ZNF43: variants seen among roughly 807,000 people sequenced by gnomAD.
ZNF43 encodes zinc finger protein 39-like 1 (KOX 27).
In ZNF43, 44 loss-of-function variants were observed where a neutral mutation model predicts 68.4. The ratio of observed to expected loss-of-function variants is 0.64; its 90% CI spans 0.51 to 0.83. The LOEUF (loss-of-function observed/expected upper bound fraction) is 0.83, where lower values mean the gene tolerates loss of function less well. ZNF43 is among the 40% of genes least tolerant of loss of function. The pLI, the probability that ZNF43 is intolerant of heterozygous loss-of-function variation, is 0.00. For synonymous variants in ZNF43, 308 were observed against 307.8 expected (o/e 1.00, Z -0.01); for missense variants, 896 against 933.2 (o/e 0.96, Z 0.52).
chr19:21,808,181 C>G lies in ZNF43; in HGVS notation c.1856G>C (p.Gly619Ala). The change falls in exon 4 of 4, where the codon GGA (glycine) becomes GCA (alanine). Residue 619 changes from glycine (G) to alanine (A), a missense_variant. Transcript: ENST00000354959. ...ACATTCTTCACATTTGTAGGGTTTT[C>G]CTCCAGTATGAATTTTTTTATGTGT... ...LTTHKKIHTG[G>A]KPYKCEECGK... 6.7e-7 allele frequency: 1 copy of G among 1,491,506 alleles called. No individual in the cohort carries two copies. Among genetic ancestry groups the G allele is most frequent in the South Asian group, 1.2e-5 (1 of 80,508 alleles). 92.4% of individuals were successfully genotyped at this position (1,491,506 alleles called of 1,614,324 possible).
chr19:21,840,217 C>A (rs557491271), upstream of ZNF43: 47 of 152,328 alleles, frequency 3.1e-4, 1 homozygote, highest in African/African-American at 1.1e-3. Context: ...GTGGGCAGTG[C>A]TGAGGCAAAA....
intron 1 of ZNF43, among the ~76,000 whole-genome samples, chr19:21,833,992 A>C (rs2038555718): frequency 6.6e-6 from 1 of 152,010 alleles, no homozygotes; most frequent in Non-Finnish European, 1.5e-5. Context: ...GCTCCACTGC[A>C]GTCAAGCCTA....
chr19:21,819,053 C>T (rs757890024), intron 2 of ZNF43, 42 bp downstream of exon 2: 1 of 1,581,604 alleles, frequency 6.3e-7, no homozygotes, highest in Non-Finnish European at 8.6e-7. Flanking sequence ...AAAATGAAAT[C>T]TTTAGGGTAT....
chr19:21,820,014 C>A (rs1258515559), intron 1 of ZNF43, among the ~76,000 whole-genome samples: 6 of 150,632 alleles, frequency 4.0e-5, no homozygotes, highest in African/African-American at 7.3e-5. Flanking sequence ...GCCTGGCCAA[C>A]GTGGAGAAAA....
chr19:21,837,849 C>T (rs899540810), upstream of ZNF43: 1 of 152,162 alleles, frequency 6.6e-6, no homozygotes, highest in African/African-American at 2.4e-5. Context: ...ATCTTCCTTC[C>T]CTACCTTTTT....
intron 1 of ZNF43, among the ~76,000 whole-genome samples, chr19:21,819,547 G>A (rs1445031004): frequency 9.9e-5 from 15 of 152,094 alleles, no homozygotes; most frequent in Non-Finnish European, 7.4e-5. Context: ...AATCAGTTGC[G>A]AATATTTTTC....
chr19:21,851,725 C>A (rs897233502), intron 1 of ZNF43, among the ~76,000 whole-genome samples: 8 of 152,076 alleles, frequency 5.3e-5, no homozygotes, highest in African/African-American at 1.9e-4. Context: ...GGGTACCGCG[C>A]AGGAATGGGG....
chr19:21,832,134 T>C (rs987917401), intron 1 of ZNF43, among the ~76,000 whole-genome samples: 1 of 152,258 alleles, frequency 6.6e-6, no homozygotes, highest in East Asian at 1.9e-4. Flanking sequence ...CTTCAAACTA[T>C]ACCACAGGGC....
upstream of ZNF43, chr19:21,836,320 G>A: frequency 1.8e-6 from 2 of 1,141,394 alleles, no homozygotes. Context: ...GATGTGATCA[G>A]ACGCTGGGCT....
chr19:21,844,075 ACT>A (rs1191271040), intron 1 of ZNF43, among the ~76,000 whole-genome samples: 9 of 152,034 alleles, frequency 5.9e-5, no homozygotes, highest in Admixed American at 5.9e-4. Context: ...AGTCAAATCC[ACT>A]CTGAGATCTT....
upstream of ZNF43, chr19:21,837,969 G>C (rs1967236535): frequency 6.6e-6 from 1 of 152,172 alleles, no homozygotes; most frequent in African/African-American, 2.4e-5. Context: ...TAAAAGTCTG[G>C]ATTCTTGAGT....
At chr19:21,834,096 T>C (rs573588473) in intron 1 of ZNF43, among the ~76,000 whole-genome samples, 1 of 151,632 alleles carries the variant, frequency 6.6e-6, no homozygotes, top group South Asian at 2.1e-4. Flanking sequence ...AGGCCAGGCA[T>C]GGTGGCGGAG....
At chr19:21,836,356 G>A (rs918245621), upstream of ZNF43, 3 of 954,350 alleles carry the variant, frequency 3.1e-6, no homozygotes, top group African/African-American at 1.7e-5. Context: ...GACAGCCTAG[G>A]CTGCCGCCTT....
At chr19:21,819,549 A>G (rs1310944879) in intron 1 of ZNF43, among the ~76,000 whole-genome samples, 3 of 152,188 alleles carry the variant, frequency 2.0e-5, no homozygotes, top group African/African-American at 7.2e-5. Flanking sequence ...TCAGTTGCGA[A>G]TATTTTTCAG....
At chr19:21,828,237 A>C (rs894406223) in intron 1 of ZNF43, among the ~76,000 whole-genome samples, 7 of 152,210 alleles carry the variant, frequency 4.6e-5, no homozygotes, top group Admixed American at 1.3e-4. Flanking sequence ...TTGTAACCAT[A>C]TTTCAGTTAA....
At chr19:21,847,601 G>A (rs1968045552) in intron 1 of ZNF43, among the ~76,000 whole-genome samples, 1 of 151,968 alleles carries the variant, frequency 6.6e-6, no homozygotes, top group Admixed American at 6.6e-5. Context: ...GGAGGCCAAC[G>A]CAGAAGAATC....
At chr19:21,844,921 A>AT (rs1555728259) in intron 1 of ZNF43, among the ~76,000 whole-genome samples, 74 of 26,030 alleles carry the variant, frequency 2.8e-3, no homozygotes, top group Admixed American at 5.1e-3. Flanking sequence ...AAAAAAAAAA[A>AT]ATATATATAT....
At chr19:21,835,925 C>A (rs1487922826) in intron 1 of ZNF43, 111 bp downstream of exon 1, 1 of 1,574,796 alleles carries the variant, frequency 6.4e-7, no homozygotes, top group Admixed American at 1.7e-5. Flanking sequence ...GGGATTGAGG[C>A]CGAGCTGGGC....
At chr19:21,838,430 C>T (rs923422835), upstream of ZNF43, among the ~76,000 whole-genome samples, 6 of 147,384 alleles carry the variant, frequency 4.1e-5, no homozygotes, top group African/African-American at 7.7e-5. Context: ...GATACAGTCT[C>T]GCTCTATTAC....
Sources: allele counts gnomAD v4.1 joint callset (sites outside exome capture counted in the v4.1 genomes callset), GRCh38; gene constraint gnomAD v4.1.1; transcripts MANE v1.5; gene names NCBI Gene and HGNC (gene_info 2026-07-23, HGNC 2026-07-21).